The following CACNA2D2 variants were observed in gnomAD, a reference collection of about 807,000 sequenced individuals.
CACNA2D2 encodes the protein calcium voltage-gated channel auxiliary subunit alpha2delta 2.
CACNA2D2 carries 48 observed loss-of-function variants against 166.4 expected under a neutral mutation model. That is an observed-to-expected ratio of 0.29 (90% CI 0.23 to 0.37). The LOEUF is 0.37. CACNA2D2 is among the 10% of genes least tolerant of loss of function. The probability of loss-of-function intolerance (pLI) is 1.00; values close to 1 mark genes in which losing one functional copy is unlikely to be tolerated. For missense variants in CACNA2D2, 1,122 were observed against 1,433.0 expected (o/e 0.78, Z 3.50); for synonymous variants, 561 against 573.7 (o/e 0.98, Z 0.32).
chr3:50,445,112 A>G (rs1027356512), intron 2 of CACNA2D2, among the ~76,000 whole-genome samples: 1 of 152,186 alleles, frequency 6.6e-6, no homozygotes, highest in Non-Finnish European at 1.5e-5. Context: ...CACCTCAAAA[A>G]GTGGTGTGTG....
chr3:50,416,127 T>C (rs1055857020), intron 3 of CACNA2D2: 1 of 152,266 alleles, frequency 6.6e-6, no homozygotes, highest in African/African-American at 2.4e-5. Context: ...TGATTCTTCC[T>C]TGTCCCTCCT....
At chr3:50,472,645 C>T (rs1310483263) in intron 2 of CACNA2D2, among the ~76,000 whole-genome samples, 5 of 152,156 alleles carry the variant, frequency 3.3e-5, no homozygotes, top group African/African-American at 1.2e-4. Context: ...CACCAGGTTC[C>T]CAGCATTGCT....
intron 3 of CACNA2D2, among the ~76,000 whole-genome samples, chr3:50,422,921 C>T (rs748336611): frequency 6.6e-5 from 10 of 152,246 alleles, no homozygotes; most frequent in Non-Finnish European, 1.5e-4. Flanking sequence ...AGCTCTGCTA[C>T]GCGGCCAACA....
intron 15 of CACNA2D2, 68 bp downstream of exon 15, chr3:50,377,940 T>C (rs764020556): frequency 2.6e-6 from 4 of 1,541,284 alleles, no homozygotes; most frequent in South Asian, 2.3e-5. Context: ...CTCCAGGGTC[T>C]TGACCCTGTG....
chr3:50,369,177 A>G lies in CACNA2D2; in HGVS notation c.2046-942T>C, dbSNP rs894331425. On this transcript the variant is annotated intron_variant, in intron 23 of 37. Transcript: ENST00000424201. ...GGCCACATTGGACACACCCAGGGTG[A>G]CACCCACACGACTGTGCTTGAGATA... Among the ~76,000 whole-genome samples, 4 of 152,192 alleles carry G rather than the reference A, an allele frequency of 2.6e-5. No individual in the cohort carries two copies. In the South Asian group the frequency reaches 8.3e-4, roughly 32 times the overall value.
At chr3:50,471,499 C>T (rs1710093455) in intron 2 of CACNA2D2, among the ~76,000 whole-genome samples, 1 of 152,204 alleles carries the variant, frequency 6.6e-6, no homozygotes, top group African/African-American at 2.4e-5. Flanking sequence ...TTCCCTGGCA[C>T]TTGTGGGCAC....
intron 22 of CACNA2D2, chr3:50,372,977 C>G (rs1295101692): frequency 2.1e-6 from 2 of 937,172 alleles, no homozygotes; most frequent in African/African-American, 3.9e-5. Flanking sequence ...AGGGGTTTGG[C>G]TGGTCCTGGG....
intron 3 of CACNA2D2, among the ~76,000 whole-genome samples, chr3:50,408,278 C>G (rs542532982): frequency 6.6e-6 from 1 of 152,360 alleles, no homozygotes; most frequent in South Asian, 2.1e-4. Context: ...AAAGCCAGGG[C>G]TCCCTGCACA....
At chr3:50,371,370 G>T (rs1024699641) in intron 22 of CACNA2D2, among the ~76,000 whole-genome samples, 1 of 152,010 alleles carries the variant, frequency 6.6e-6, no homozygotes, top group African/African-American at 2.4e-5. Flanking sequence ...GTGTGTGTGT[G>T]CCTAAGTGTG....
intron 2 of CACNA2D2, among the ~76,000 whole-genome samples, chr3:50,457,042 G>A (rs890739189): frequency 6.6e-6 from 1 of 152,218 alleles, no homozygotes; most frequent in African/African-American, 2.4e-5. Context: ...TTGAGGCCAG[G>A]AGTTTGAGAT....
intron 5 of CACNA2D2, 56 bp downstream of exon 5, chr3:50,387,511 TA>T: frequency 6.8e-7 from 1 of 1,469,034 alleles, no homozygotes; most frequent in Non-Finnish European, 9.5e-7. Flanking sequence ...ACATCCATTT[TA>T]CAGCCAAGGC....
intron 6 of CACNA2D2, among the ~76,000 whole-genome samples, chr3:50,383,316 A>C (rs1193295580): frequency 6.6e-6 from 1 of 151,840 alleles, no homozygotes; most frequent in African/African-American, 2.4e-5. Flanking sequence ...GGACCCTGGG[A>C]ATTCCCTGCA....
chr3:50,416,953 T>C (rs1707292300), intron 3 of CACNA2D2, among the ~76,000 whole-genome samples: 1 of 152,184 alleles, frequency 6.6e-6, no homozygotes, highest in Non-Finnish European at 1.5e-5. Flanking sequence ...CATTCACGTG[T>C]GTGTGCATGT....
chr3:50,372,915 A>C, intron 22 of CACNA2D2: 1 of 641,310 alleles, frequency 1.6e-6, no homozygotes, highest in East Asian at 2.8e-5. Flanking sequence ...AATCAGAGGA[A>C]AGGCAAGAAC....
rs549992670 is a variant in CACNA2D2, at chr3:50,482,332, C to T, written c.207-6133G>A. 3.1e-3 allele frequency among the ~76,000 whole-genome samples: 474 copies of T among 152,322 alleles called. 2 individuals are homozygous for T. The highest frequency in any genetic ancestry group is 5.2e-3 in the Admixed American group (80 of 15,304). The stretch of plus-strand genomic sequence containing the variant: ...CCCTGGGGAGTCCTCTCTGACCACT[C>T]GGGTGGATGTCCCTCTATACCTAGT... On this transcript the variant is annotated intron_variant, in intron 1 of 37. Coordinates refer to ENST00000424201, the MANE Select transcript of CACNA2D2 (RefSeq NM_006030.4).
chr3:50,487,341 C>G (rs1468164213), intron 1 of CACNA2D2, among the ~76,000 whole-genome samples: 1 of 152,238 alleles, frequency 6.6e-6, no homozygotes. Flanking sequence ...GAAGTCCTTC[C>G]TTATACCCTA....
At chr3:50,422,845 T>C (rs1707639033) in intron 3 of CACNA2D2, among the ~76,000 whole-genome samples, 2 of 152,246 alleles carry the variant, frequency 1.3e-5, no homozygotes, top group African/African-American at 4.8e-5. Context: ...GACTCATTTC[T>C]GGAAAACCTA....
At position 50,380,925 on chromosome 3, in the gene CACNA2D2, AGGATGGG is replaced by A; in HGVS notation, c.784+63_784+69del. On this transcript the variant is annotated intron_variant, in intron 7 of 37. Coordinates refer to ENST00000424201, the MANE Select transcript of CACNA2D2 (RefSeq NM_006030.4). The surrounding 1 kb of genome is among the most constrained non-coding windows in gnomAD (Gnocchi z 4.9). The stretch of plus-strand genomic sequence containing the variant: ...AGAAGCCACCCCGCCCCATGCCCCC[AGGATGGG>A]TGGGCTGGTAGATGGAGAAAGGCGA... 6.3e-7 allele frequency: 1 copy of A among 1,591,966 alleles called. No individual in the cohort carries two copies. The highest frequency in any genetic ancestry group is 8.6e-7 in the Non-Finnish European group (1 of 1,165,808).
chr3:50,444,684 C>T (rs1163692749), intron 2 of CACNA2D2, among the ~76,000 whole-genome samples: 1 of 152,202 alleles, frequency 6.6e-6, no homozygotes, highest in African/African-American at 2.4e-5. Context: ...CAACGACAGC[C>T]CCAATCACAG....
Sources: gnomAD v4.1 joint callset for allele counts (sites outside exome capture counted in the v4.1 genomes callset) on GRCh38, gnomAD v4.1.1 for gene constraint, Gnocchi (gnomAD v3.1) non-coding constraint, MANE v1.5 for transcripts, NCBI Gene and HGNC (gene_info 2026-07-23, HGNC 2026-07-21) for gene names.